Variants in CNOT1 observed in about 807,000 individuals in gnomAD.
CNOT1 encodes the protein CCR4-associated factor 1.
In CNOT1, 15 loss-of-function variants were observed where a neutral mutation model predicts 273.8. The ratio of observed to expected loss-of-function variants is 0.05; its 90% CI spans 0.04 to 0.08. CNOT1 has a LOEUF of 0.08. Among genes scored for constraint, CNOT1 ranks in the 10% least tolerant of loss-of-function variants. The pLI, the probability that CNOT1 is intolerant of heterozygous loss-of-function variation, is 1.00. For synonymous variants in CNOT1, 1,022 were observed against 1,005.5 expected, an observed-to-expected ratio of 1.02 and a Z score of -0.31; for missense variants, 1,644 against 2,912.2, an observed-to-expected ratio of 0.56 and a Z score of 10.02.
chr16:58,582,623 C>A lies in CNOT1; in HGVS notation c.1044+170G>T, dbSNP rs1266169195. 3.3e-5 allele frequency among the ~76,000 whole-genome samples: 5 copies of A among 152,124 alleles called. No homozygotes were observed. In the East Asian group the frequency reaches 9.6e-4, roughly 29 times the overall value. ...AGCACCCCAAATTACAAGGTAACAA[C>A]CCTAATGAAAAAATTTAAATTTGGT... On this transcript the variant is annotated intron_variant, in intron 10 of 48. Coordinates refer to ENST00000317147, the MANE Select transcript of CNOT1 (RefSeq NM_016284.5).
Position 58,551,150 on chromosome 16 carries a change from C to A in CNOT1, c.3324G>T (p.Gln1108His), listed in dbSNP as rs749519489. The stretch of plus-strand genomic sequence containing the variant: ...TGCTCACCTTTTGTGTCATATTTGA[C>A]TGTGAGAGATTATTGAAAATAAAAG... ...KIAFIFNNLS[Q>H]SNMTQKVEEL... is the part of the protein sequence containing the mutation. The change falls in exon 24 of 49, where the codon CAG becomes CAT. Residue 1108 changes from glutamine (Q) to histidine (H), a missense_variant. Transcript: ENST00000317147. 16 of 1,605,710 alleles carry A rather than the reference C, an allele frequency of 1.0e-5. No individual in the cohort carries two copies. Among genetic ancestry groups the A allele is most frequent in the Non-Finnish European group, 1.3e-5 (15 of 1,178,050 alleles).
chr16:58,527,089 G>C (rs866723591), intron 44 of CNOT1, among the ~76,000 whole-genome samples: 3 of 152,218 alleles, frequency 2.0e-5, no homozygotes, highest in African/African-American at 7.2e-5. Context: ...ATTTTAAGTG[G>C]TCCTCTCTCT....
intron 1 of CNOT1, among the ~76,000 whole-genome samples, chr16:58,605,132 T>C (rs1188460573): frequency 6.6e-6 from 1 of 151,448 alleles, no homozygotes; most frequent in Non-Finnish European, 1.5e-5. Context: ...CAAGACTCCG[T>C]CTCAAAACAA....
In CNOT1 at chr16:58,569,977, ATCTT is replaced by A. The variant is rs534717012; in HGVS notation, c.1979+4628_1979+4631del. ...ATGAAAGAAAAAAGACAAGGAGAGT[ATCTT>A]ACCAGCAGCAAGATAGAAGCAACTC... On this transcript the variant is annotated intron_variant, in intron 16 of 48. Coordinates refer to ENST00000317147, the MANE Select transcript of CNOT1 (RefSeq NM_016284.5). Among the ~76,000 whole-genome samples, 50 of 152,342 alleles carry A rather than the reference ATCTT, an allele frequency of 3.3e-4. 1 individual carries two copies. In the South Asian group the frequency reaches 0.01, roughly 31 times the overall value.
At chr16:58,555,192 T>G in intron 21 of CNOT1, 59 bp downstream of exon 21, 1 of 1,586,754 alleles carries the variant, frequency 6.3e-7, no homozygotes, top group Non-Finnish European at 8.6e-7. Flanking sequence ...TGGATGAGAG[T>G]TAAGACCCTG....
In CNOT1 at chr16:58,560,317, G is replaced by T; in HGVS notation, c.2025C>A (p.Ala675=). 1 of 1,614,096 alleles carries T rather than the reference G, an allele frequency of 6.2e-7. No individual in the cohort carries two copies. The highest frequency in any genetic ancestry group is 8.5e-7 in the Non-Finnish European group (1 of 1,180,022). ...CCTTATTCATAACATTACTGCAATT[G>T]GCTACCATGGTGAGGATAGTTTCTG... ...ELSETILTMV[A]NCSNVMNKAR... is the part of the protein sequence containing the mutation. The change falls in exon 17 of 49, where the codon GCC becomes GCA. Residue 675 remains alanine (A), a synonymous_variant. Transcript: ENST00000317147.
At chr16:58,523,252 C>CAA in intron 47 of CNOT1, 118 bp downstream of exon 47, 74 of 1,027,056 alleles carry the variant, frequency 7.2e-5, no homozygotes, top group Admixed American at 9.6e-5. Context: ...CTCAAAAAAA[C>CAA]AAAAAAAAAA....
intron 13 of CNOT1, among the ~76,000 whole-genome samples, chr16:58,577,928 G>C (rs1176325159): frequency 6.6e-6 from 1 of 151,428 alleles, no homozygotes; most frequent in Non-Finnish European, 1.5e-5. Context: ...TACAAAATTA[G>C]AGGTAAAAAG....
At chr16:58,573,483 T>C (rs972749891) in intron 16 of CNOT1, among the ~76,000 whole-genome samples, 1 of 142,056 alleles carries the variant, frequency 7.0e-6, no homozygotes, top group Non-Finnish European at 1.5e-5. Context: ...TGCAATTTTT[T>C]TTTTTTTTTT....
chr16:58,523,138 G>GAGT (rs1180198435), intron 47 of CNOT1: 5 of 281,528 alleles, frequency 1.8e-5, no homozygotes, highest in African/African-American at 1.1e-4. Flanking sequence ...CCAGCTACTT[G>GAGT]AGAGGCTAAG....
At chr16:58,608,558 A>AG (rs2042771705) in intron 1 of CNOT1, among the ~76,000 whole-genome samples, 1 of 151,728 alleles carries the variant, frequency 6.6e-6, no homozygotes, top group African/African-American at 2.4e-5. Flanking sequence ...TGTCTCAAAA[A>AG]AAAAAAAAAA....
At position 58,583,088 on chromosome 16, in the gene CNOT1, G is replaced by T. The variant is rs2041709465; in HGVS notation, c.901C>A (p.His301Asn). 6.2e-7 allele frequency: 1 copy of T among 1,613,942 alleles called. No individual in the cohort carries two copies. Among genetic ancestry groups the T allele is most frequent in the Non-Finnish European group, 8.5e-7 (1 of 1,180,018 alleles). The change falls in exon 9 of 49, where the codon CAT becomes AAT. Residue 301 changes from histidine (H) to asparagine (N), a missense_variant. By Grantham distance (68) the His-to-Asn change is moderately conservative. Around this residue, in one of 13 missense-constraint regions of CNOT1, gnomAD observed 706 missense variants for 1,021.2 expected, o/e 0.69. Transcript: ENST00000317147. Reference protein sequence around the residue: ...ARVLGMMARTHSGLTDGIPLQ... With the variant: ...ARVLGMMARTNSGLTDGIPLQ... Reference sequence around the variant, plus strand: ...GGAATGCCATCTGTTAATCCTGAATGAGTTCGAGCCATCATTCCCAAAACC... The same window carrying T: ...GGAATGCCATCTGTTAATCCTGAATTAGTTCGAGCCATCATTCCCAAAACC...
chr16:58,554,935 C>CAAAAAAAAAAAA lies in CNOT1; in HGVS notation c.2891+304_2891+315dup, dbSNP rs56180546. On this transcript the variant is annotated intron_variant, in intron 21 of 48. Transcript: ENST00000317147. ...TGGGGGACAGAGCAAGACTCCATCTCAAAAAAAAAAAAAAAAAAGCTTCAG... is the reference window on the plus strand; with the variant it reads ...TGGGGGACAGAGCAAGACTCCATCTCAAAAAAAAAAAAAAAAAAAAAAAAAAAAAAGCTTCAG... Among the ~76,000 whole-genome samples the CAAAAAAAAAAAA allele has an allele frequency of 3.7e-3, 293 of 78,778 alleles. 19 individuals are homozygous for CAAAAAAAAAAAA. Among genetic ancestry groups the CAAAAAAAAAAAA allele is most frequent in the Admixed American group, 6.0e-3 (39 of 6,514 alleles). The allele number at this position is 78,778 out of a possible 152,430, so 51.7% of individuals were successfully genotyped here. A position where few individuals can be genotyped will look rare whatever the true frequency, so the allele number is the denominator to read the frequency against.
At chr16:58,589,846 T>C (rs2041995704) in intron 2 of CNOT1, among the ~76,000 whole-genome samples, 1 of 152,194 alleles carries the variant, frequency 6.6e-6, no homozygotes, top group Non-Finnish European at 1.5e-5. Context: ...TGTTATTCTT[T>C]CTAAATGAAA....
In CNOT1 at chr16:58,532,223, A is replaced by T; in HGVS notation, c.6059+9T>A. On this transcript the variant is annotated intron_variant, in intron 41 of 48. Coordinates refer to ENST00000317147, the MANE Select transcript of CNOT1 (RefSeq NM_016284.5). ...AACCTTAACACAAAATCGCAAACAC[A>T]ATACTCACCAGAAAGCTGTAAGTGT... The T allele has an allele frequency of 1.2e-6, 2 of 1,613,152 alleles. No individual in the cohort carries two copies. Among genetic ancestry groups the T allele is most frequent in the Non-Finnish European group, 1.7e-6 (2 of 1,179,134 alleles).
At position 58,581,635 on chromosome 16, in the gene CNOT1, G is replaced by A. The variant is rs61322462; in HGVS notation, c.1045-120C>T. The A allele has an allele frequency of 4.1e-4, 564 of 1,388,930 alleles. 6 individuals carry two copies. The East Asian group carries it at 0.013, about 32-fold the overall frequency. The allele number at this position is 1,388,930 out of a possible 1,614,324, so 86.0% of individuals were successfully genotyped here. Reference sequence around the variant, plus strand: ...ATGTTCTACTTACAAAATTTTTAATGTGAATTTTAAGAAACCCATTCTTTT... The same window carrying A: ...ATGTTCTACTTACAAAATTTTTAATATGAATTTTAAGAAACCCATTCTTTT... On this transcript the variant is annotated intron_variant, in intron 10 of 48. Transcript: ENST00000317147.
chr16:58,573,278 C>G (rs58205738), intron 16 of CNOT1, among the ~76,000 whole-genome samples: 12,083 of 150,468 alleles, frequency 0.08, 655 homozygotes, highest in South Asian at 0.21. Context: ...TGCACTCCAG[C>G]CTGGGCAACA....
At chr16:58,554,009 A>G (rs1191415772) in intron 21 of CNOT1, 149 bp from the exon 22 acceptor site, 1 of 1,145,248 alleles carries the variant, frequency 8.7e-7, no homozygotes, top group Non-Finnish European at 1.1e-6. Flanking sequence ...GAAGAAAACA[A>G]AAATAGAAGG....
intron 2 of CNOT1, among the ~76,000 whole-genome samples, chr16:58,589,505 G>A (rs563363275): frequency 6.6e-6 from 1 of 151,908 alleles, no homozygotes; most frequent in South Asian, 2.1e-4. Flanking sequence ...AGAGTGAAAC[G>A]TCGTCTCAAA....
Sources: gnomAD v4.1 joint callset for allele counts (sites outside exome capture counted in the v4.1 genomes callset) on GRCh38, gnomAD v4.1.1 for gene constraint, gnomAD v4.1.1 regional missense constraint, MANE v1.5 for transcripts, NCBI Gene and HGNC (gene_info 2026-07-23, HGNC 2026-07-21) for gene names.